OR6B3: variants seen among roughly 807,000 people sequenced by gnomAD.
The protein encoded by OR6B3 is olfactory receptor 6B3.
For synonymous variants in OR6B3, 148 were observed against 187.8 expected (o/e 0.79, Z 1.73); for missense variants, 315 against 427.4 (o/e 0.74, Z 2.32).
rs758362746 is a variant in OR6B3 at position 240,045,703 on chromosome 2, C to T, written c.370G>A (p.Val124Met). 59 of 1,352,438 alleles carry T rather than the reference C, an allele frequency of 4.4e-5. 1 individual carries two copies. The South Asian group carries it at 5.2e-4, about 12-fold the overall frequency. 83.8% of individuals were successfully genotyped at this position (1,352,438 alleles called of 1,614,324 possible). The change falls in exon 2 of 2, where the codon GTG becomes ATG. Residue 124 changes from valine to methionine, a missense_variant. Physicochemically the swap from Val to Met is conservative, Grantham distance 21. Transcript: ENST00000641019. ...TAGCGCAGCGGGTGGCAGATGGCCA[C>T]GTAGCGGTCGTAGGCCATGGAGGCC...
upstream of OR6B3, among the ~76,000 whole-genome samples, chr2:240,047,234 C>T (rs1275104192): frequency 6.6e-6 from 1 of 152,178 alleles, no homozygotes; most frequent in Admixed American, 6.5e-5. Flanking sequence ...GTTGGTTGAA[C>T]GAACCTAAAG....
At chr2:240,048,461 T>G (rs1698220334), upstream of OR6B3, among the ~76,000 whole-genome samples, 1 of 152,116 alleles carries the variant, frequency 6.6e-6, no homozygotes, top group South Asian at 2.1e-4. Flanking sequence ...GGATGTGGGC[T>G]GGGTACGAGC....
chr2:240,046,192 G>T, intron 1 of OR6B3, 95 bp from the exon 3 acceptor site: 1 of 833,874 alleles, frequency 1.2e-6, no homozygotes, highest in Non-Finnish European at 1.8e-6. Context: ...TTGGTGTAAA[G>T]AGAGGCCACG....
upstream of OR6B3, among the ~76,000 whole-genome samples, chr2:240,050,129 C>T (rs771436867): frequency 1.3e-5 from 2 of 151,342 alleles, no homozygotes; most frequent in African/African-American, 2.4e-5. Context: ...GATAAACTCA[C>T]CTGGTAAAAG....
the OR6B3 span, among the ~76,000 whole-genome samples, chr2:240,052,809 T>C: frequency 6.6e-6 from 1 of 152,202 alleles, no homozygotes; most frequent in South Asian, 2.1e-4. This position sits in a 1 kb window ranked among gnomAD's most constrained non-coding sequence, Gnocchi z 4.5. Context: ...TAAAGATTAT[T>C]TGTGACTTTT....
In OR6B3 at chr2:240,045,300, A is replaced by G. The variant is rs769674285; in HGVS notation, c.773T>C (p.Met258Thr). Residue 258 changes from methionine to threonine, a missense_variant, in exon 2 of 2, where the codon ATG becomes ACG. Coordinates refer to ENST00000641019, the Ensembl canonical transcript of OR6B3. The stretch of plus-strand genomic sequence containing the variant: ...ATCAATGGCCTGGGGCCGGACATAC[A>G]TGAAAAGCAAGGCTGTATAGAAGAC... 5.6e-6 allele frequency: 9 copies of G among 1,614,106 alleles called. No homozygotes were observed. In the East Asian group the frequency reaches 8.9e-5, roughly 16 times the overall value.
downstream of OR6B3, among the ~76,000 whole-genome samples, chr2:240,044,691 A>G (rs1698155289): frequency 6.6e-6 from 1 of 152,272 alleles, no homozygotes; most frequent in Non-Finnish European, 1.5e-5. Flanking sequence ...CGTTGGGTAT[A>G]AAACAGAAGG....
At chr2:240,047,615 C>T (rs190304241), upstream of OR6B3, among the ~76,000 whole-genome samples, 174 of 152,242 alleles carry the variant, frequency 1.1e-3, 1 homozygote, top group African/African-American at 3.9e-3. Context: ...TTTTGTTTCA[C>T]GTGAGTATAT....
chr2:240,047,616 G>T (rs754022429), upstream of OR6B3, among the ~76,000 whole-genome samples: 1 of 152,144 alleles, frequency 6.6e-6, no homozygotes, highest in Non-Finnish European at 1.5e-5. Context: ...TTTGTTTCAC[G>T]TGAGTATATT....
upstream of OR6B3, among the ~76,000 whole-genome samples, chr2:240,049,416 C>G (rs113209023): frequency 2.5e-3 from 380 of 152,316 alleles, no homozygotes; most frequent in African/African-American, 8.7e-3. Flanking sequence ...GTGTCCAGAC[C>G]TGGAATTATT....
downstream of OR6B3, chr2:240,045,074 T>C: frequency 6.4e-7 from 1 of 1,561,808 alleles, no homozygotes; most frequent in Non-Finnish European, 8.6e-7. Flanking sequence ...TCAAATGGCC[T>C]CCTCAGAGAG....
At position 240,045,284 on chromosome 2, in the gene OR6B3, C is replaced by T. The variant is rs747107569; in HGVS notation, c.789G>A (p.Gln263=). ...TGTTGGAGCTCCGGGAATCAATGGC[C>T]TGGGGCCGGACATACATGAAAAGCA... The change falls in exon 2 of 2, where the codon CAG becomes CAA. Residue 263 remains glutamine (Q), a synonymous_variant. Transcript: ENST00000641019. 143 of 1,614,084 alleles carry T rather than the reference C, an allele frequency of 8.9e-5. 1 individual carries two copies. Among genetic ancestry groups the T allele is most frequent in the Middle Eastern group, 4.9e-4 (3 of 6,084 alleles).
upstream of OR6B3, among the ~76,000 whole-genome samples, chr2:240,049,603 T>G (rs1698231068): frequency 6.6e-6 from 1 of 152,158 alleles, no homozygotes; most frequent in African/African-American, 2.4e-5. Flanking sequence ...AAACACACAT[T>G]CAGACACAGC....
At chr2:240,045,174 G>A in exon 2 of OR6B3, 1 of 1,614,074 alleles carries the variant, frequency 6.2e-7, no homozygotes, top group South Asian at 1.1e-5. Flanking sequence ...TTTTTTCAAG[G>A]CATTCTTAAA....
upstream of OR6B3, among the ~76,000 whole-genome samples, chr2:240,050,418 G>C (rs2106528463): frequency 6.6e-6 from 1 of 152,310 alleles, no homozygotes; most frequent in South Asian, 2.1e-4. Flanking sequence ...TTTAGTATCA[G>C]AAGAAATGGA....
At chr2:240,044,667 A>C (rs1056562732), downstream of OR6B3, among the ~76,000 whole-genome samples, 1 of 152,274 alleles carries the variant, frequency 6.6e-6, no homozygotes. Flanking sequence ...CACCCAAGAC[A>C]ATCAGAGAAC....
the OR6B3 span, among the ~76,000 whole-genome samples, chr2:240,052,262 T>C: frequency 6.6e-6 from 1 of 152,204 alleles, no homozygotes; most frequent in Non-Finnish European, 1.5e-5. This position sits in a 1 kb window ranked among gnomAD's most constrained non-coding sequence, Gnocchi z 4.5. Flanking sequence ...AATTATATTT[T>C]TCTTGAAACA....
chr2:240,052,931 C>A, the OR6B3 span, among the ~76,000 whole-genome samples: 1 of 152,182 alleles, frequency 6.6e-6, no homozygotes, highest in Non-Finnish European at 1.5e-5. This position sits in a 1 kb window ranked among gnomAD's most constrained non-coding sequence, Gnocchi z 4.5. Flanking sequence ...CCCACCTCAG[C>A]CTCCCGTGTA....
At chr2:240,046,551 A>G (rs1430270875) in intron 1 of OR6B3, among the ~76,000 whole-genome samples, 1 of 152,146 alleles carries the variant, frequency 6.6e-6, no homozygotes, top group Non-Finnish European at 1.5e-5. Context: ...TTTAGGGTTG[A>G]TTTTACAGGA....
Sources: allele counts gnomAD v4.1 joint callset (sites outside exome capture counted in the v4.1 genomes callset), GRCh38; gene constraint gnomAD v4.1.1; non-coding constraint Gnocchi (gnomAD v3.1); transcripts MANE v1.5; gene names NCBI Gene and HGNC (gene_info 2026-07-23, HGNC 2026-07-21).